Variants in UNC5D observed in about 807,000 individuals in gnomAD.
UNC5D encodes unc-5 netrin receptor D, also known as netrin receptor UNC5D.
Under a neutral mutation model 105.4 loss-of-function variants are expected in UNC5D, and 39 were observed. That is an observed-to-expected ratio of 0.37 (90% confidence interval 0.29 to 0.48). The LOEUF is 0.48. UNC5D is among the 20% of genes least tolerant of loss of function. UNC5D has a pLI of 0.98. For synonymous variants in UNC5D, 452 were observed against 450.4 expected (o/e 1.00, Z -0.04); for missense variants, 991 against 1,202.4 (o/e 0.82, Z 2.60).
chr8:35,576,151 C>T (rs375785997), intron 3 of UNC5D, among the ~76,000 whole-genome samples: 6 of 151,922 alleles, frequency 3.9e-5, no homozygotes, highest in Non-Finnish European at 7.4e-5. Flanking sequence ...TTTGTTCAAA[C>T]GTTATTAAGA....
intron 11 of UNC5D, among the ~76,000 whole-genome samples, chr8:35,737,662 T>G (rs960612447): frequency 6.6e-6 from 1 of 152,184 alleles, no homozygotes; most frequent in Non-Finnish European, 1.5e-5. Context: ...GCCTACCTGC[T>G]TCATTCAAGG....
At chr8:35,719,310 G>C (rs1293228805) in intron 8 of UNC5D, among the ~76,000 whole-genome samples, 1 of 152,074 alleles carries the variant, frequency 6.6e-6, no homozygotes, top group Non-Finnish European at 1.5e-5. Flanking sequence ...TCTTTACAAA[G>C]AAAGCCACTG....
intron 1 of UNC5D, among the ~76,000 whole-genome samples, chr8:35,394,981 G>A (rs945283299): frequency 3.3e-5 from 5 of 152,186 alleles, no homozygotes; most frequent in African/African-American, 7.2e-5. Flanking sequence ...ATAAAGAGAT[G>A]GATGGAGCAA....
chr8:35,691,303 C>A (rs1826371145), intron 7 of UNC5D, among the ~76,000 whole-genome samples: 1 of 152,054 alleles, frequency 6.6e-6, no homozygotes, highest in Non-Finnish European at 1.5e-5. Flanking sequence ...GGCAACATAG[C>A]AAGACCCCGG....
intron 1 of UNC5D, among the ~76,000 whole-genome samples, chr8:35,383,833 C>A (rs566377204): frequency 5.3e-5 from 8 of 152,216 alleles, no homozygotes; most frequent in African/African-American, 1.9e-4. Context: ...AATCCCAGGG[C>A]TTTGGGAGGA....
chr8:35,493,281 CAAAAAAAAAAAAAAA>C (rs35199794), intron 1 of UNC5D, among the ~76,000 whole-genome samples: 1 of 67,154 alleles, frequency 1.5e-5, no homozygotes, highest in Non-Finnish European at 2.9e-5. Flanking sequence ...AGTCTGTGAC[CAAAAAAAAAAAAAAA>C]AAAAAAAACA....
chr8:35,783,298 C>A (rs902049638), intron 16 of UNC5D, among the ~76,000 whole-genome samples: 2 of 152,062 alleles, frequency 1.3e-5, no homozygotes, highest in African/African-American at 4.8e-5. Context: ...ATTGCATGAA[C>A]CTGGGTTGAA....
chr8:35,534,406 G>C (rs1055723697), intron 1 of UNC5D, among the ~76,000 whole-genome samples: 8 of 151,936 alleles, frequency 5.3e-5, no homozygotes, highest in African/African-American at 1.9e-4. Flanking sequence ...TTGCAGTTAT[G>C]ATGTTAAATT....
intron 4 of UNC5D, among the ~76,000 whole-genome samples, chr8:35,601,110 A>C (rs2130926375): frequency 6.6e-6 from 1 of 152,190 alleles, no homozygotes; most frequent in East Asian, 1.9e-4. Flanking sequence ...AGATAGTTGT[A>C]GATATGCGGC....
chr8:35,412,318 C>A (rs561871165), intron 1 of UNC5D, among the ~76,000 whole-genome samples: 23 of 152,058 alleles, frequency 1.5e-4, no homozygotes, highest in Non-Finnish European at 2.8e-4. Flanking sequence ...GTGGTATTGG[C>A]TCTTCTGATC....
intron 16 of UNC5D, among the ~76,000 whole-genome samples, chr8:35,777,235 CA>C (rs1259207731): frequency 1.3e-5 from 2 of 152,182 alleles, no homozygotes. Context: ...GCCTGGGCAA[CA>C]GAGCGAGACT....
intron 4 of UNC5D, among the ~76,000 whole-genome samples, chr8:35,653,279 G>A (rs890209436): frequency 6.6e-6 from 1 of 152,046 alleles, no homozygotes; most frequent in Non-Finnish European, 1.5e-5. Context: ...TCTTCAGTCT[G>A]AGGATTGGTG....
intron 16 of UNC5D, among the ~76,000 whole-genome samples, chr8:35,788,036 G>A (rs966072369): frequency 6.6e-6 from 1 of 152,208 alleles, no homozygotes; most frequent in African/African-American, 2.4e-5. Context: ...AAAAACTAGA[G>A]AGAATGTTTT....
intron 1 of UNC5D, among the ~76,000 whole-genome samples, chr8:35,536,152 C>A (rs916803426): frequency 2.6e-5 from 4 of 152,172 alleles, no homozygotes; most frequent in Admixed American, 2.6e-4. Context: ...TGTCTAGCAT[C>A]TTCTCCAAGA....
chr8:35,476,583 C>T (rs1467019190), intron 1 of UNC5D, among the ~76,000 whole-genome samples: 3 of 152,142 alleles, frequency 2.0e-5, no homozygotes, highest in African/African-American at 7.2e-5. Flanking sequence ...AGAGCAGTAG[C>T]GTCTGCTGTT....
chr8:35,698,710 G>C (rs1826968961), intron 7 of UNC5D, among the ~76,000 whole-genome samples: 1 of 151,980 alleles, frequency 6.6e-6, no homozygotes, highest in Non-Finnish European at 1.5e-5. Flanking sequence ...AAATCACGTG[G>C]CAATAAACAT....
rs1808307832 is a variant in UNC5D at position 35,305,593 on chromosome 8, C to CTTTCTTTCTTTCTTTCTTTCTTTCTTTCA, written c.103+69734_103+69735insATTTCTTTCTTTCTTTCTTTCTTTCTTTC. ...TTTCTTTCTTTTTCTTTCTTTCTTT[C>CTTTCTTTCTTTCTTTCTTTCTTTCTTTCA]TTTCTTTCTTTCTTTCTTTCTTTCT... is the stretch of plus-strand genomic sequence containing the variant. On this transcript the variant is annotated intron_variant, in intron 1 of 16. Coordinates refer to ENST00000404895, the MANE Select transcript of UNC5D (RefSeq NM_080872.4). 2.5e-4 allele frequency among the ~76,000 whole-genome samples: 36 copies of CTTTCTTTCTTTCTTTCTTTCTTTCTTTCA among 142,142 alleles called. 1 individual carries two copies. The highest frequency in any genetic ancestry group is 9.2e-4 in the African/African-American group (34 of 36,902). The allele number at this position is 142,142 out of a possible 152,430, so 93.3% of individuals were successfully genotyped here. A position where few individuals can be genotyped will look rare whatever the true frequency, so the allele number is the denominator to read the frequency against.
At chr8:35,497,552 A>T (rs1032415267) in intron 1 of UNC5D, among the ~76,000 whole-genome samples, 2 of 151,950 alleles carry the variant, frequency 1.3e-5, no homozygotes, top group Admixed American at 6.6e-5. Flanking sequence ...GGGAGAAATG[A>T]TGCGTTAGAT....
At chr8:35,284,877 C>G (rs969721748) in intron 1 of UNC5D, among the ~76,000 whole-genome samples, 3 of 152,104 alleles carry the variant, frequency 2.0e-5, no homozygotes, top group African/African-American at 4.8e-5. Context: ...TGTTTATTTT[C>G]TAGAAGCAAA....
Sources: gnomAD v4.1 joint callset for allele counts (sites outside exome capture counted in the v4.1 genomes callset) on GRCh38, gnomAD v4.1.1 for gene constraint, MANE v1.5 for transcripts, NCBI Gene and HGNC (gene_info 2026-07-23, HGNC 2026-07-21) for gene names.